The following NOTCH2NLC variants were observed in gnomAD, a reference collection of about 807,000 sequenced individuals.
NOTCH2NLC encodes the protein notch 2 N-terminal like C.
Under a neutral mutation model 17.7 loss-of-function variants are expected in NOTCH2NLC, and 4 were observed. That is an observed-to-expected ratio of 0.23 (90% CI 0.11 to 0.52). The LOEUF is 0.52. Among genes scored for constraint, NOTCH2NLC ranks in the 20% least tolerant of loss-of-function variants. The probability of loss-of-function intolerance (pLI) is 0.96; values close to 1 mark genes in which losing one functional copy is unlikely to be tolerated. For missense variants in NOTCH2NLC, 57 were observed against 207.2 expected (o/e 0.28, Z 4.45); for synonymous variants, 18 against 86.0 (o/e 0.21, Z 4.38).
At chr1:149,430,370 T>A (rs1279820913) in intron 1 of NOTCH2NLC, among the ~76,000 whole-genome samples, 1 of 133,582 alleles carries the variant, frequency 7.5e-6, no homozygotes, top group Non-Finnish European at 1.6e-5. Context: ...TGTTTATTCG[T>A]TTATTTATGT....
At chr1:149,421,194 A>C (rs2084377159) in intron 1 of NOTCH2NLC, among the ~76,000 whole-genome samples, 1 of 122,852 alleles carries the variant, frequency 8.1e-6, no homozygotes, top group African/African-American at 3.1e-5. Context: ...TAAGGACTTA[A>C]AAAAACTAAG....
In NOTCH2NLC at chr1:149,395,541, C is replaced by T. The variant is rs1180291328; in HGVS notation, c.135+4619C>T. Among the ~76,000 whole-genome samples the T allele has an allele frequency of 3.4e-3, 507 of 150,730 alleles. 15 individuals carry two copies. The highest frequency in any genetic ancestry group is 0.012 in the African/African-American group (491 of 41,054). On this transcript the variant is annotated intron_variant, in intron 1 of 4. Coordinates refer to ENST00000650865, the MANE Select transcript of NOTCH2NLC (RefSeq NM_001364013.2). ...ATCTCACTTCAAAGGCACTGCCACC[C>T]ACCCCCTGCCTCTCACTCAAGTTTG...
chr1:149,440,105 G>A (rs1452182799), intron 2 of NOTCH2NLC, among the ~76,000 whole-genome samples: 2 of 150,286 alleles, frequency 1.3e-5, no homozygotes, highest in East Asian at 3.9e-4. Context: ...ATCTGATTAG[G>A]ATTTATGTAG....
chr1:149,395,833 A>G (rs1423025576), intron 1 of NOTCH2NLC, among the ~76,000 whole-genome samples: 1 of 147,416 alleles, frequency 6.8e-6, no homozygotes, highest in Non-Finnish European at 1.5e-5. Flanking sequence ...TTTTTGAACC[A>G]AGAGAGTCCC....
At chr1:149,460,614 G>A (rs1468005781) in intron 3 of NOTCH2NLC, among the ~76,000 whole-genome samples, 5 of 149,784 alleles carry the variant, frequency 3.3e-5, no homozygotes, top group African/African-American at 1.2e-4. Context: ...TGGGATTACA[G>A]GTGTGAGCCA....
At chr1:149,413,127 T>A (rs1251682817) in intron 1 of NOTCH2NLC, among the ~76,000 whole-genome samples, 1 of 150,384 alleles carries the variant, frequency 6.6e-6, no homozygotes, top group Non-Finnish European at 1.5e-5. Context: ...AGGCTGGTTT[T>A]GAACTGCTGA....
At position 149,425,334 on chromosome 1, in the gene NOTCH2NLC, G is replaced by A. The variant is rs1231840715; in HGVS notation, c.136-5608G>A. 6.0e-5 allele frequency among the ~76,000 whole-genome samples: 9 copies of A among 150,230 alleles called. 1 individual carries two copies. Among genetic ancestry groups the A allele is most frequent in the African/African-American group, 1.2e-4 (5 of 40,920 alleles). ...CTGGGTGAGGCAAGAGGTGAACTGGGCCTTGAAGGAATGGGTAGAATTTAG... is the reference window on the plus strand; with the variant it reads ...CTGGGTGAGGCAAGAGGTGAACTGGACCTTGAAGGAATGGGTAGAATTTAG... On this transcript the variant is annotated intron_variant, in intron 1 of 4. Transcript: ENST00000650865.
chr1:149,445,868 G>A (rs1222509783), intron 2 of NOTCH2NLC, among the ~76,000 whole-genome samples: 2 of 102,144 alleles, frequency 2.0e-5, no homozygotes. Context: ...CTTTGTTGTT[G>A]TTGTTTTTTT....
rs1473507512 is a variant in NOTCH2NLC at position 149,466,041 on chromosome 1, C to T, written c.*1888C>T. On this transcript the variant is annotated 3_prime_UTR_variant, in exon 5 of 5. Coordinates refer to ENST00000650865, the MANE Select transcript of NOTCH2NLC (RefSeq NM_001364013.2). The stretch of plus-strand genomic sequence containing the variant: ...ATGTGGTTAGGCTGGGTCCTGAAAC[C>T]GAGGCAGTTTATTTTCAAAGCCTTT... The T allele has an allele frequency of 1.5e-4, 8 of 52,072 alleles. No homozygotes were observed. The highest frequency in any genetic ancestry group is 2.2e-4 in the Admixed American group (1 of 4,464). The allele number at this position is 52,072 out of a possible 1,614,324, so 3.2% of individuals were successfully genotyped here.
chr1:149,416,597 T>C (rs2084336430), intron 1 of NOTCH2NLC, among the ~76,000 whole-genome samples: 1 of 94,272 alleles, frequency 1.1e-5, no homozygotes, highest in South Asian at 4.6e-4. Context: ...ATCATACTTA[T>C]GATCTGGTTC....
chr1:149,471,556 A>T lies in NOTCH2NLC; in HGVS notation c.*7403A>T, dbSNP rs1469147738. ...TTGTCCCAGGACCATTTGTTGAATT[A>T]AGTGCCCAGAACAAGTACATCTATA... On this transcript the variant is annotated 3_prime_UTR_variant, in exon 5 of 5. Coordinates refer to ENST00000650865, the MANE Select transcript of NOTCH2NLC (RefSeq NM_001364013.2). 3.3e-5 allele frequency among the ~76,000 whole-genome samples: 5 copies of T among 150,350 alleles called. No homozygotes were observed. The highest frequency in any genetic ancestry group is 7.4e-5 in the Non-Finnish European group (5 of 67,396).
rs1176138793 is a variant in NOTCH2NLC at position 149,458,027 on chromosome 1, T to TA, written c.469+2451dup. Among the ~76,000 whole-genome samples, 239 of 85,004 alleles carry TA rather than the reference T, an allele frequency of 2.8e-3. 1 individual carries two copies. Among genetic ancestry groups the TA allele is most frequent in the African/African-American group, 0.01 (226 of 22,360 alleles). 55.8% of individuals were successfully genotyped at this position (85,004 alleles called of 152,430 possible). The stretch of plus-strand genomic sequence containing the variant: ...ATAAAGACAATAATTAGGTCATAAT[T>TA]ACACCTGATGTAGTACAACTATTCT... On this transcript the variant is annotated intron_variant, in intron 3 of 4. Transcript: ENST00000650865.
At chr1:149,402,174 G>A (rs2084249868) in intron 1 of NOTCH2NLC, among the ~76,000 whole-genome samples, 1 of 150,606 alleles carries the variant, frequency 6.6e-6, no homozygotes, top group Non-Finnish European at 1.5e-5. Context: ...CCACCTCCCG[G>A]GTTCAAATGA....
At chr1:149,419,840 A>AAT (rs1247876476) in intron 1 of NOTCH2NLC, among the ~76,000 whole-genome samples, 2,848 of 113,444 alleles carry the variant, frequency 0.025, 141 homozygotes, top group South Asian at 0.04. Flanking sequence ...GAAGTTCAGG[A>AAT]ATATATATAT....
intron 2 of NOTCH2NLC, among the ~76,000 whole-genome samples, chr1:149,435,837 TC>T (rs1410299693): frequency 1.4e-5 from 2 of 144,216 alleles, no homozygotes; most frequent in African/African-American, 5.1e-5. Context: ...TCGCAGGACT[TC>T]CGTTTTCTGC....
In NOTCH2NLC at chr1:149,390,714, G is replaced by T. The variant is rs2084153669; in HGVS notation, c.-74G>T. The T allele has an allele frequency of 1.6e-6, 2 of 1,245,904 alleles. No individual in the cohort carries two copies. The highest frequency in any genetic ancestry group is 2.2e-5 in the South Asian group (1 of 45,296). The allele number at this position is 1,245,904 out of a possible 1,614,324, so 77.2% of individuals were successfully genotyped here. A position where few individuals can be genotyped will look rare whatever the true frequency, so the allele number is the denominator to read the frequency against. On this transcript the variant is annotated 5_prime_UTR_variant, in exon 1 of 5. Coordinates refer to ENST00000650865, the MANE Select transcript of NOTCH2NLC (RefSeq NM_001364013.2). ...ATTTGCGCCTGTGCTTCGGACCGTA[G>T]CGCCAGGGCCTGAGCCTTTGAAGCA...
intron 3 of NOTCH2NLC, among the ~76,000 whole-genome samples, chr1:149,462,091 C>T (rs2084653693): frequency 7.0e-6 from 1 of 143,116 alleles, no homozygotes; most frequent in South Asian, 2.2e-4. Context: ...TGTAACAAAC[C>T]TGCATGTTGT....
intron 1 of NOTCH2NLC, among the ~76,000 whole-genome samples, chr1:149,414,489 G>T (rs1282676792): frequency 6.6e-6 from 1 of 150,690 alleles, no homozygotes; most frequent in Non-Finnish European, 1.5e-5. Flanking sequence ...TGAAATCTGG[G>T]GGTAAAGCAG....
intron 3 of NOTCH2NLC, among the ~76,000 whole-genome samples, chr1:149,462,705 C>T (rs1358999930): frequency 1.3e-5 from 2 of 149,586 alleles, no homozygotes. Context: ...AAGAAAATAG[C>T]AAACTTGGTG....
Sources: allele counts gnomAD v4.1 joint callset (sites outside exome capture counted in the v4.1 genomes callset), GRCh38; gene constraint gnomAD v4.1.1; transcripts MANE v1.5; gene names NCBI Gene and HGNC (gene_info 2026-07-23, HGNC 2026-07-21).